The following COL6A6 variants were observed in gnomAD, a reference collection of about 807,000 sequenced individuals.
The protein encoded by COL6A6 is collagen type VI alpha 6 chain.
In COL6A6, 183 loss-of-function variants were observed where a neutral mutation model predicts 208.6. That is an observed-to-expected ratio of 0.88 (90% CI 0.78 to 0.99). COL6A6 has a LOEUF of 0.99. Among genes scored for constraint, COL6A6 ranks in the 50% least tolerant of loss-of-function variants. The pLI is 0.00. For synonymous variants in COL6A6, 973 were observed against 1,011.8 expected (o/e 0.96, Z 0.73); for missense variants, 2,816 against 2,815.2 (o/e 1.00, Z -0.01).
chr3:130,546,479 T>C (rs2062501034), intron 1 of COL6A6, among the ~76,000 whole-genome samples: 1 of 152,166 alleles, frequency 6.6e-6, no homozygotes, highest in Non-Finnish European at 1.5e-5. Flanking sequence ...AGAACAAAGC[T>C]TTCACAGCAT....
chr3:130,537,900 T>G (rs1031928426), intron 1 of COL6A6, among the ~76,000 whole-genome samples: 1 of 152,234 alleles, frequency 6.6e-6, no homozygotes, highest in Non-Finnish European at 1.5e-5. Flanking sequence ...AGAGCCTCTA[T>G]TCAGACTTAA....
At chr3:130,588,484 T>C (rs1026762709) in intron 11 of COL6A6, among the ~76,000 whole-genome samples, 1 of 152,152 alleles carries the variant, frequency 6.6e-6, no homozygotes, top group African/African-American at 2.4e-5. Flanking sequence ...TTTACCAGAG[T>C]ATAAAGAGTA....
chr3:130,662,026 T>C lies in COL6A6; in HGVS notation c.6220T>C (p.Leu2074=). 6.2e-7 allele frequency: 1 copy of C among 1,613,918 alleles called. No individual in the cohort carries two copies. Among genetic ancestry groups the C allele is most frequent in the Admixed American group, 1.7e-5 (1 of 60,022 alleles). Residue 2074 remains leucine (L), a synonymous_variant, in exon 35 of 37, where the codon TTA becomes CTA. Coordinates refer to ENST00000358511, the MANE Select transcript of COL6A6 (RefSeq NM_001102608.3). ...ALQWTLDNVF[L]STPNLRRNKV... ...ACAGTGGACTCTGGACAATGTATTTTTAAGTACACCCAATCTGAGAAGAAA... is the reference window on the plus strand; with the variant it reads ...ACAGTGGACTCTGGACAATGTATTTCTAAGTACACCCAATCTGAGAAGAAA...
intron 1 of COL6A6, among the ~76,000 whole-genome samples, chr3:130,529,031 A>C (rs1381558627): frequency 6.6e-6 from 1 of 152,146 alleles, no homozygotes; most frequent in Admixed American, 6.5e-5. Flanking sequence ...TGGAGCTTGC[A>C]GTGAGCTGAG....
chr3:130,578,736 C>T (rs1341099592), intron 8 of COL6A6, among the ~76,000 whole-genome samples: 1 of 152,162 alleles, frequency 6.6e-6, no homozygotes, highest in Non-Finnish European at 1.5e-5. Flanking sequence ...AAATCAGAAA[C>T]AGGTCCCACA....
At chr3:130,610,924 C>T (rs912384616) in intron 23 of COL6A6, among the ~76,000 whole-genome samples, 13 of 152,138 alleles carry the variant, frequency 8.5e-5, no homozygotes, top group African/African-American at 3.1e-4. Context: ...AAATCTAGCC[C>T]TCTTTGCCTC....
chr3:130,607,650 CA>C (rs1357859632), intron 21 of COL6A6, among the ~76,000 whole-genome samples: 1 of 151,984 alleles, frequency 6.6e-6, no homozygotes, highest in Non-Finnish European at 1.5e-5. Context: ...AATTAGATTG[CA>C]GCAACTTCTG....
intron 23 of COL6A6, among the ~76,000 whole-genome samples, chr3:130,618,994 T>C (rs1306954663): frequency 6.6e-6 from 1 of 152,200 alleles, no homozygotes; most frequent in Non-Finnish European, 1.5e-5. Context: ...TCTCTACTTC[T>C]CTGTGCAGTG....
At chr3:130,614,370 TG>T (rs1333276051) in intron 23 of COL6A6, among the ~76,000 whole-genome samples, 1 of 152,222 alleles carries the variant, frequency 6.6e-6, no homozygotes, top group East Asian at 1.9e-4. Context: ...TACTTGATTG[TG>T]GTGAATTAGC....
intron 1 of COL6A6, among the ~76,000 whole-genome samples, chr3:130,549,499 C>T (rs944162346): frequency 1.3e-5 from 2 of 152,012 alleles, no homozygotes; most frequent in African/African-American, 4.8e-5. Flanking sequence ...CCTAGGTTAT[C>T]TTCCAGGGTT....
At chr3:130,587,669 A>C (rs960259844) in intron 11 of COL6A6, among the ~76,000 whole-genome samples, 2 of 152,242 alleles carry the variant, frequency 1.3e-5, no homozygotes, top group Non-Finnish European at 2.9e-5. Flanking sequence ...ATAACTTATA[A>C]AATCTTTAAT....
chr3:130,634,519 A>T, intron 26 of COL6A6, 71 bp from the exon 27 acceptor site: 1 of 1,371,906 alleles, frequency 7.3e-7, no homozygotes, highest in Non-Finnish European at 1.0e-6. Context: ...GGCAGCAGGT[A>T]AATTGAAAAT....
At chr3:130,557,073 C>A (rs2062782532) in intron 1 of COL6A6, among the ~76,000 whole-genome samples, 1 of 152,076 alleles carries the variant, frequency 6.6e-6, no homozygotes, top group South Asian at 2.1e-4. Context: ...AGATTAGGAA[C>A]CTAGGTGATG....
At chr3:130,626,353 T>G (rs1174444802) in intron 24 of COL6A6, 132 bp from the exon 25 acceptor site, 4 of 688,934 alleles carry the variant, frequency 5.8e-6, no homozygotes, top group Non-Finnish European at 1.1e-5. Context: ...ACAACAGCAG[T>G]TCCTCTTGTA....
intron 1 of COL6A6, among the ~76,000 whole-genome samples, chr3:130,554,575 G>A (rs1046573682): frequency 4.6e-5 from 7 of 152,188 alleles, no homozygotes; most frequent in South Asian, 2.1e-4. Context: ...CAGTGGCAAC[G>A]GTGGGGCAGG....
rs1377862762 is a variant in COL6A6 at position 130,542,862 on chromosome 3, G to T, written c.-31-17472G>T. ...AGCTACTCCAGCTTTATTTTGCTTA[G>T]TGTTAACATAGTACATGTTTCTCCA... On this transcript the variant is annotated intron_variant, in intron 1 of 36. Transcript: ENST00000358511. 2.1e-5 allele frequency among the ~76,000 whole-genome samples: 3 copies of T among 141,048 alleles called. No individual in the cohort carries two copies. The East Asian group carries it at 6.6e-4, about 31-fold the overall frequency. 92.5% of individuals were successfully genotyped at this position (141,048 alleles called of 152,430 possible).
intron 8 of COL6A6, among the ~76,000 whole-genome samples, chr3:130,576,398 G>A (rs1394952923): frequency 6.6e-6 from 1 of 152,124 alleles, no homozygotes; most frequent in Non-Finnish European, 1.5e-5. Flanking sequence ...CAGGTTAAAG[G>A]TTAAGAGTTC....
intron 1 of COL6A6, among the ~76,000 whole-genome samples, chr3:130,526,498 A>AAT (rs1286685100): frequency 6.6e-6 from 1 of 152,170 alleles, no homozygotes; most frequent in Admixed American, 6.5e-5. Flanking sequence ...TAGGTGCACC[A>AAT]ATCTAATTTA....
At chr3:130,634,530 C>G in intron 26 of COL6A6, 60 bp from the exon 27 acceptor site, 1 of 1,465,800 alleles carries the variant, frequency 6.8e-7, no homozygotes, top group Non-Finnish European at 9.4e-7. Flanking sequence ...AATTGAAAAT[C>G]AATGTAGACT....
Sources: allele counts gnomAD v4.1 joint callset (sites outside exome capture counted in the v4.1 genomes callset), GRCh38; gene constraint gnomAD v4.1.1; transcripts MANE v1.5; gene names NCBI Gene and HGNC (gene_info 2026-07-23, HGNC 2026-07-21).